The following ADGRL3 variants were observed in gnomAD, a reference collection of about 807,000 sequenced individuals.
The protein encoded by ADGRL3 is adhesion G protein-coupled receptor L3.
A neutral mutation model predicts 153.5 loss-of-function variants in ADGRL3; 62 were observed. The observed-to-expected ratio is 0.40, with a 90% CI of 0.33 to 0.50. The LOEUF is 0.50. ADGRL3 is among the 20% of genes least tolerant of loss of function. The pLI, the probability that ADGRL3 is intolerant of heterozygous loss-of-function variation, is 0.47. For missense variants in ADGRL3, 1,641 were observed against 1,859.4 expected, an observed-to-expected ratio of 0.88 and a Z score of 2.16; for synonymous variants, 710 against 672.5, an observed-to-expected ratio of 1.06 and a Z score of -0.86.
At chr4:61,641,266 TA>T (rs2093654211) in intron 5 of ADGRL3, among the ~76,000 whole-genome samples, 2 of 105,276 alleles carry the variant, frequency 1.9e-5, no homozygotes, top group African/African-American at 7.1e-5. Context: ...AAATAAATCC[TA>T]TTTTTTTTTC....
chr4:61,600,338 T>C (rs1364921918), intron 5 of ADGRL3, among the ~76,000 whole-genome samples: 2 of 120,908 alleles, frequency 1.7e-5, no homozygotes, highest in Non-Finnish European at 3.4e-5. Flanking sequence ...GGAAATGAAT[T>C]GGAAATGAGA....
chr4:61,304,008 G>A (rs540415177), intron 1 of ADGRL3, among the ~76,000 whole-genome samples: 2 of 152,256 alleles, frequency 1.3e-5, no homozygotes, highest in South Asian at 2.1e-4. Context: ...TTTTTCAAGG[G>A]TGTGAACATG....
chr4:61,844,020 GAAAA>G (rs376497386), intron 9 of ADGRL3, among the ~76,000 whole-genome samples: 1 of 119,948 alleles, frequency 8.3e-6, no homozygotes. Flanking sequence ...ACCCTGTCTT[GAAAA>G]AAAAAAAAAA....
intron 5 of ADGRL3, among the ~76,000 whole-genome samples, chr4:61,604,600 C>T (rs1265553693): frequency 1.3e-5 from 2 of 152,066 alleles, no homozygotes; most frequent in Non-Finnish European, 2.9e-5. Flanking sequence ...CTTTAAAATG[C>T]AGTAAAATAA....
At chr4:61,511,419 C>T (rs1420885240) in intron 3 of ADGRL3, among the ~76,000 whole-genome samples, 13 of 152,026 alleles carry the variant, frequency 8.6e-5, no homozygotes, top group Admixed American at 5.2e-4. Context: ...GATTGTATAC[C>T]CTGAAACTTT....
intron 1 of ADGRL3, among the ~76,000 whole-genome samples, chr4:61,283,058 A>G (rs2093788601): frequency 6.6e-6 from 1 of 152,016 alleles, no homozygotes; most frequent in Non-Finnish European, 1.5e-5. Context: ...TTTTATCTAC[A>G]TGGTTCTTCC....
chr4:61,769,269 C>G (rs1462350608), intron 8 of ADGRL3, among the ~76,000 whole-genome samples: 1 of 151,952 alleles, frequency 6.6e-6, no homozygotes, highest in Non-Finnish European at 1.5e-5. Context: ...TTGTCTCTAC[C>G]AGAAAATGAA....
At chr4:61,656,633 A>G (rs2094450128) in intron 5 of ADGRL3, among the ~76,000 whole-genome samples, 1 of 152,182 alleles carries the variant, frequency 6.6e-6, no homozygotes, top group Non-Finnish European at 1.5e-5. Flanking sequence ...TTTTTACAAA[A>G]GGTATTTGTG....
intron 1 of ADGRL3, among the ~76,000 whole-genome samples, chr4:61,242,806 C>T (rs891924853): frequency 7.2e-5 from 11 of 152,064 alleles, no homozygotes; most frequent in Middle Eastern, 3.4e-3. Context: ...TACAGACTGT[C>T]GTTTTCTTCA....
At chr4:61,672,292 C>T (rs1165430394) in intron 5 of ADGRL3, among the ~76,000 whole-genome samples, 1 of 152,088 alleles carries the variant, frequency 6.6e-6, no homozygotes, top group East Asian at 1.9e-4. Flanking sequence ...TCCCCAGCCT[C>T]CTTTATTGAA....
chr4:61,510,475 A>C lies in ADGRL3; in HGVS notation c.56-6840A>C, dbSNP rs115465998. 2.9e-3 allele frequency among the ~76,000 whole-genome samples: 446 copies of C among 152,314 alleles called. 2 individuals are homozygous for C. The highest frequency in any genetic ancestry group is 0.01 in the African/African-American group (419 of 41,572). Reference sequence around the variant, plus strand: ...GGCCTTGTTTCATTATTTTGCATACATGGCCAGCCAGTTATCCTAACACCG... The same window carrying C: ...GGCCTTGTTTCATTATTTTGCATACCTGGCCAGCCAGTTATCCTAACACCG... On this transcript the variant is annotated intron_variant, in intron 3 of 26. Coordinates refer to ENST00000683033, the MANE Select transcript of ADGRL3 (RefSeq NM_001387552.1).
At position 62,031,505 on chromosome 4, in the gene ADGRL3, C is replaced by T. The variant is rs763785705; in HGVS notation, c.3486C>T (p.Leu1162=). 4.3e-6 allele frequency: 7 copies of T among 1,610,768 alleles called. No individual in the cohort carries two copies. The African/African-American group carries it at 6.7e-5, about 15-fold the overall frequency. ...CLLGLTWAFG[L]MYINESTVIM... is the part of the protein sequence containing the mutation. The stretch of plus-strand genomic sequence containing the variant: ...TAGGATTGACCTGGGCCTTTGGACT[C>T]ATGTATATTAATGAAAGCACAGTCA... The change falls in exon 23 of 27, where the codon CTC becomes CTT. Residue 1162 remains leucine, a synonymous_variant. Transcript: ENST00000683033.
At chr4:61,598,020 C>G (rs940021537) in intron 5 of ADGRL3, among the ~76,000 whole-genome samples, 22 of 152,006 alleles carry the variant, frequency 1.4e-4, no homozygotes, top group African/African-American at 2.9e-4. Flanking sequence ...ACAGGTTTTT[C>G]ACCTTTCTAG....
At chr4:61,418,911 T>C (rs928883569) in intron 2 of ADGRL3, among the ~76,000 whole-genome samples, 1 of 150,722 alleles carries the variant, frequency 6.6e-6, no homozygotes, top group African/African-American at 2.5e-5. Context: ...TTAAATTAAT[T>C]TAGAAGTTTA....
At chr4:61,958,455 G>T (rs2098976247) in intron 17 of ADGRL3, among the ~76,000 whole-genome samples, 1 of 150,450 alleles carries the variant, frequency 6.6e-6, no homozygotes, top group African/African-American at 2.5e-5. Flanking sequence ...CTGCTGTGAG[G>T]GATTGTGTTA....
At chr4:61,523,301 A>G (rs2098541707) in intron 4 of ADGRL3, among the ~76,000 whole-genome samples, 1 of 152,276 alleles carries the variant, frequency 6.6e-6, no homozygotes, top group African/African-American at 2.4e-5. Flanking sequence ...ATTTTGCTAC[A>G]GCAACGGAAA....
intron 4 of ADGRL3, among the ~76,000 whole-genome samples, chr4:61,533,226 A>G (rs573316345): frequency 5.3e-5 from 8 of 152,254 alleles, no homozygotes; most frequent in African/African-American, 1.9e-4. Flanking sequence ...TTCAACATGC[A>G]CCCTTGGCAG....
At chr4:61,855,637 C>A (rs552048881) in intron 9 of ADGRL3, among the ~76,000 whole-genome samples, 304 of 152,052 alleles carry the variant, frequency 2.0e-3, no homozygotes, top group Middle Eastern at 0.014. Flanking sequence ...TGTTGACAGG[C>A]TTAAATATAT....
At chr4:61,969,782 C>T (rs749754259) in intron 17 of ADGRL3, among the ~76,000 whole-genome samples, 7 of 152,132 alleles carry the variant, frequency 4.6e-5, no homozygotes, top group Non-Finnish European at 8.8e-5. Flanking sequence ...TGACTACCAA[C>T]ATCAGTAGTC....
Sources: allele counts gnomAD v4.1 joint callset (sites outside exome capture counted in the v4.1 genomes callset), GRCh38; gene constraint gnomAD v4.1.1; transcripts MANE v1.5; gene names NCBI Gene and HGNC (gene_info 2026-07-23, HGNC 2026-07-21).